Variants in ATP6V0D1 observed in about 807,000 individuals in gnomAD.
ATP6V0D1 encodes V-type proton ATPase subunit d 1.
In ATP6V0D1, 13 loss-of-function variants were observed where a neutral mutation model predicts 39.0. The ratio of observed to expected loss-of-function variants is 0.33; its 90% CI spans 0.22 to 0.53. The LOEUF (loss-of-function observed/expected upper bound fraction) is 0.53. Among genes scored for constraint, ATP6V0D1 ranks in the 20% least tolerant of loss-of-function variants. ATP6V0D1 has a pLI of 0.94. For synonymous variants in ATP6V0D1, 191 were observed against 191.2 expected (o/e 1.00, Z 0.01); for missense variants, 272 against 470.9 (o/e 0.58, Z 3.91).
At chr16:67,474,807 C>T (rs1271428975) in intron 1 of ATP6V0D1, among the ~76,000 whole-genome samples, 1 of 152,114 alleles carries the variant, frequency 6.6e-6, no homozygotes, top group Non-Finnish European at 1.5e-5. Flanking sequence ...CTCACAGATC[C>T]CTCAATTTCA....
chr16:67,459,069 A>G (rs1410348624), intron 1 of ATP6V0D1: 6 of 985,636 alleles, frequency 6.1e-6, no homozygotes, highest in Non-Finnish European at 6.0e-6. Context: ...ACAGCCTGTG[A>G]GGCCCCGTGC....
intron 4 of ATP6V0D1, chr16:67,440,999 C>T (rs1213456703): frequency 6.6e-6 from 1 of 152,346 alleles, no homozygotes. Context: ...TCAAAAATCC[C>T]ACAGCCTGCC....
intron 3 of ATP6V0D1, among the ~76,000 whole-genome samples, chr16:67,443,661 G>T (rs2041080838): frequency 6.6e-6 from 1 of 152,188 alleles, no homozygotes; most frequent in African/African-American, 2.4e-5. Flanking sequence ...GCCACTGTGG[G>T]GTTGGAAAGA....
chr16:67,476,586 G>A (rs2142336231), intron 1 of ATP6V0D1, among the ~76,000 whole-genome samples: 1 of 152,266 alleles, frequency 6.6e-6, no homozygotes, highest in Admixed American at 6.5e-5. Context: ...GAAGTTTACA[G>A]GCATAGAAGT....
intron 2 of ATP6V0D1, among the ~76,000 whole-genome samples, chr16:67,452,707 C>T (rs2041195507): frequency 6.6e-6 from 1 of 152,220 alleles, no homozygotes; most frequent in African/African-American, 2.4e-5. Flanking sequence ...TTTCTTTGTC[C>T]ACCAGGACTT....
intron 2 of ATP6V0D1, chr16:67,452,460 C>T (rs1300277679): frequency 6.8e-7 from 1 of 1,476,456 alleles, no homozygotes; most frequent in Non-Finnish European, 9.1e-7. Flanking sequence ...AGGCAGCAGG[C>T]ATCTAACTCT....
In ATP6V0D1 at chr16:67,446,919, G is replaced by A. The variant is rs183338284; in HGVS notation, c.303-2213C>T. Among the ~76,000 whole-genome samples, 213 of 152,230 alleles carry A rather than the reference G, an allele frequency of 1.4e-3. No homozygotes were observed. In the Middle Eastern group the frequency reaches 0.017, roughly 12 times the overall value. ...TCAGAGCAGATAAGGCCCAGAGAGG[G>A]CCAGCACCAGGCCCTAACACACCAC... On this transcript the variant is annotated intron_variant, in intron 2 of 7. Transcript: ENST00000290949.
At chr16:67,452,130 G>A in intron 2 of ATP6V0D1, 2 of 1,412,910 alleles carry the variant, frequency 1.4e-6, no homozygotes, top group East Asian at 2.5e-5. Context: ...AGAGACCAAG[G>A]CCAGGGAATG....
chr16:67,442,150 C>G (rs1041924462), intron 4 of ATP6V0D1, among the ~76,000 whole-genome samples: 1 of 152,292 alleles, frequency 6.6e-6, no homozygotes, highest in African/African-American at 2.4e-5. Context: ...TCCCCTACCA[C>G]CAACCCTCAC....
At chr16:67,466,376 CAA>C (rs1395993515) in intron 1 of ATP6V0D1, among the ~76,000 whole-genome samples, 2 of 127,462 alleles carry the variant, frequency 1.6e-5, no homozygotes, top group African/African-American at 3.0e-5. Context: ...CACACACACA[CAA>C]AATTAGCCAG....
At chr16:67,458,991 G>T in intron 1 of ATP6V0D1, 1 of 933,370 alleles carries the variant, frequency 1.1e-6, no homozygotes, top group African/African-American at 1.8e-5. Context: ...CCTCCAAATT[G>T]AATGGTTCGC....
intron 1 of ATP6V0D1, among the ~76,000 whole-genome samples, chr16:67,480,207 A>AG (rs2041456390): frequency 9.3e-6 from 1 of 107,396 alleles, no homozygotes; most frequent in Admixed American, 8.1e-5. Flanking sequence ...TCAAAAAAAA[A>AG]AAAAAAAAAA....
At chr16:67,471,213 G>C (rs567942794) in intron 1 of ATP6V0D1, among the ~76,000 whole-genome samples, 1 of 152,170 alleles carries the variant, frequency 6.6e-6, no homozygotes, top group African/African-American at 2.4e-5. Context: ...TTGAGACAGA[G>C]TCTGGTTCTG....
intron 2 of ATP6V0D1, chr16:67,445,726 A>C: frequency 2.9e-6 from 1 of 348,488 alleles, no homozygotes; most frequent in Non-Finnish European, 5.8e-6. Flanking sequence ...GAGGGGTGAG[A>C]CTGCCCAGTT....
At chr16:67,442,814 T>A (rs1488791728) in intron 4 of ATP6V0D1, among the ~76,000 whole-genome samples, 3 of 152,096 alleles carry the variant, frequency 2.0e-5, no homozygotes, top group Non-Finnish European at 4.4e-5. Flanking sequence ...TCCTGGATGC[T>A]GGGGGAGCGG....
At chr16:67,466,149 AC>A (rs2041327256) in intron 1 of ATP6V0D1, among the ~76,000 whole-genome samples, 1 of 152,108 alleles carries the variant, frequency 6.6e-6, no homozygotes, top group African/African-American at 2.4e-5. Flanking sequence ...GAGTGGGACT[AC>A]AGGTACCCAC....
chr16:67,480,949 C>G lies in ATP6V0D1; in HGVS notation c.130+8G>C. ...CCTCTATCCCCGCCTTTCGCGGCCC[C>G]GGCTCACCCTCTAGCGTCTCGCACT... On this transcript the variant is annotated splice_region_variant and intron_variant, in intron 1 of 7. Coordinates refer to ENST00000290949, the MANE Select transcript of ATP6V0D1 (RefSeq NM_004691.5). The G allele has an allele frequency of 6.2e-7, 1 of 1,613,594 alleles. No individual in the cohort carries two copies.
chr16:67,454,040 G>GTATGT (rs1470343974), intron 1 of ATP6V0D1, among the ~76,000 whole-genome samples: 1 of 152,238 alleles, frequency 6.6e-6, no homozygotes, highest in East Asian at 1.9e-4. Context: ...AAGCCCTTCT[G>GTATGT]TATGTTAAGC....
chr16:67,480,531 C>A (rs2041460459), intron 1 of ATP6V0D1, among the ~76,000 whole-genome samples: 1 of 152,082 alleles, frequency 6.6e-6, no homozygotes, highest in African/African-American at 2.4e-5. Context: ...ATCCCAAAGA[C>A]CTTAGTGTCT....
Sources: gnomAD v4.1 joint callset for allele counts (sites outside exome capture counted in the v4.1 genomes callset) on GRCh38, gnomAD v4.1.1 for gene constraint, MANE v1.5 for transcripts, NCBI Gene and HGNC (gene_info 2026-07-23, HGNC 2026-07-21) for gene names.